Variants in FBXL13 observed in about 807,000 individuals in gnomAD.
FBXL13 encodes F-box and leucine-rich repeat protein 13.
In FBXL13, 67 loss-of-function variants were observed where a neutral mutation model predicts 83.6. The observed-to-expected ratio is 0.80, with a 90% CI of 0.66 to 0.98. FBXL13 has a LOEUF of 0.98. Among genes scored for constraint, FBXL13 ranks in the 50% least tolerant of loss-of-function variants. FBXL13 has a pLI of 0.00. For synonymous variants in FBXL13, 272 were observed against 299.5 expected (o/e 0.91, Z 0.95); for missense variants, 822 against 866.5 (o/e 0.95, Z 0.64).
intron 14 of FBXL13, among the ~76,000 whole-genome samples, chr7:102,879,112 A>G (rs1013993917): frequency 1.3e-5 from 2 of 152,176 alleles, no homozygotes; most frequent in East Asian, 1.9e-4. Context: ...TCTAATTCCA[A>G]TTGAGAACCA....
At chr7:102,973,647 T>G (rs761472901) in intron 6 of FBXL13, 1 of 766,132 alleles carries the variant, frequency 1.3e-6, no homozygotes, top group Non-Finnish European at 2.4e-6. Flanking sequence ...GGGGCTCCGG[T>G]CTTCGTCCCC....
chr7:103,020,888 C>G (rs932360437), intron 6 of FBXL13, among the ~76,000 whole-genome samples: 1 of 152,114 alleles, frequency 6.6e-6, no homozygotes, highest in Admixed American at 6.5e-5. Context: ...GAATCAATAT[C>G]GTGAAAATGG....
At chr7:103,025,184 A>G in exon 6 of FBXL13, 1 of 1,595,440 alleles carries the variant, frequency 6.3e-7, no homozygotes, top group Non-Finnish European at 8.6e-7. Context: ...TCTTTTGAGT[A>G]TTAACCTATT....
At chr7:102,835,380 G>A (rs771320243) in intron 17 of FBXL13, among the ~76,000 whole-genome samples, 2 of 152,088 alleles carry the variant, frequency 1.3e-5, no homozygotes, top group Admixed American at 1.3e-4. Context: ...TGGAATCAGT[G>A]GCCTGGAATC....
chr7:102,923,804 G>A (rs1189080325), intron 10 of FBXL13, among the ~76,000 whole-genome samples: 1 of 151,616 alleles, frequency 6.6e-6, no homozygotes, highest in African/African-American at 2.4e-5. Context: ...CAGCCTGGGT[G>A]ACAGAGCAAG....
intron 1 of FBXL13, among the ~76,000 whole-genome samples, chr7:103,071,122 T>C (rs1484670508): frequency 6.6e-6 from 1 of 150,712 alleles, no homozygotes; most frequent in African/African-American, 2.4e-5. Context: ...TTGAAAACCA[T>C]CAATGAAAAA....
chr7:102,906,356 T>G (rs1584869823), intron 11 of FBXL13, among the ~76,000 whole-genome samples: 3 of 152,352 alleles, frequency 2.0e-5, no homozygotes, highest in Admixed American at 2.0e-4. Context: ...AATTGGTTCA[T>G]CATTTAGTCT....
chr7:102,984,909 G>A (rs1828761947), intron 6 of FBXL13, among the ~76,000 whole-genome samples: 1 of 152,062 alleles, frequency 6.6e-6, no homozygotes, highest in Non-Finnish European at 1.5e-5. Context: ...ATTATTATAT[G>A]CCACATATTG....
chr7:103,040,794 CA>C (rs1456336274), intron 2 of FBXL13, among the ~76,000 whole-genome samples: 14 of 152,080 alleles, frequency 9.2e-5, no homozygotes, highest in Non-Finnish European at 1.6e-4. Context: ...AACAAAGACA[CA>C]ATGTACCAGA....
chr7:103,024,101 A>T (rs929280992), intron 6 of FBXL13, among the ~76,000 whole-genome samples: 7 of 148,738 alleles, frequency 4.7e-5, no homozygotes, highest in Admixed American at 4.2e-4. Context: ...ACAAACCTTC[A>T]CATGTACTCC....
intron 6 of FBXL13, among the ~76,000 whole-genome samples, chr7:103,023,181 C>T (rs1793419291): frequency 6.6e-6 from 1 of 152,120 alleles, no homozygotes; most frequent in Non-Finnish European, 1.5e-5. Flanking sequence ...GAGGCTGAGG[C>T]AGGAGAATGC....
chr7:103,034,499 CG>C (rs1314074896), intron 2 of FBXL13, among the ~76,000 whole-genome samples: 1 of 152,228 alleles, frequency 6.6e-6, no homozygotes, highest in Non-Finnish European at 1.5e-5. Flanking sequence ...GCTCTGAGTG[CG>C]GGGTCCGCTG....
chr7:103,017,901 T>C (rs1463687761), intron 6 of FBXL13, among the ~76,000 whole-genome samples: 3 of 152,166 alleles, frequency 2.0e-5, no homozygotes, highest in African/African-American at 4.8e-5. Flanking sequence ...AAACACTCTT[T>C]GGGATATTAT....
At chr7:102,822,576 A>T (rs1798950418) in intron 18 of FBXL13, 1 of 402,980 alleles carries the variant, frequency 2.5e-6, no homozygotes, top group Admixed American at 3.1e-5. Context: ...TATTACTGTC[A>T]CAGTGGGAGT....
intron 11 of FBXL13, among the ~76,000 whole-genome samples, chr7:102,910,134 G>T (rs1347858245): frequency 6.6e-6 from 1 of 152,096 alleles, no homozygotes; most frequent in African/African-American, 2.4e-5. Context: ...GTGGGCATCA[G>T]CTGAGTTTGG....
chr7:102,942,225 T>C, intron 8 of FBXL13: 1 of 1,289,492 alleles, frequency 7.8e-7, no homozygotes, highest in Non-Finnish European at 1.1e-6. Context: ...AACAAAAAAG[T>C]ATCTTGGCAG....
chr7:103,048,158 G>T (rs1299697368), intron 2 of FBXL13, among the ~76,000 whole-genome samples: 1 of 152,156 alleles, frequency 6.6e-6, no homozygotes, highest in Non-Finnish European at 1.5e-5. Context: ...GCGTTCCAAA[G>T]TTAGAGGTCA....
intron 6 of FBXL13, among the ~76,000 whole-genome samples, chr7:103,019,731 G>T (rs1346900667): frequency 6.6e-6 from 1 of 152,148 alleles, no homozygotes; most frequent in African/African-American, 2.4e-5. Context: ...TAGAAGAAAT[G>T]GATAAATTCC....
At chr7:102,999,188 T>C (rs1041719568) in intron 6 of FBXL13, among the ~76,000 whole-genome samples, 1 of 152,148 alleles carries the variant, frequency 6.6e-6, no homozygotes, top group African/African-American at 2.4e-5. Flanking sequence ...GTTCATACGG[T>C]TGTCTTTGAT....
Sources: gnomAD v4.1 joint callset for allele counts (sites outside exome capture counted in the v4.1 genomes callset) on GRCh38, gnomAD v4.1.1 for gene constraint, MANE v1.5 for transcripts, NCBI Gene and HGNC (gene_info 2026-07-23, HGNC 2026-07-21) for gene names.